TCP11X1: variants seen among roughly 807,000 people sequenced by gnomAD.
TCP11X1 encodes t-complex 11 family, X-linked 1.
For synonymous variants in TCP11X1, 2 were observed against 6.3 expected (o/e 0.32, Z 1.02); for missense variants, 2 against 15.4 (o/e 0.13, Z 1.45).
intron 2 of TCP11X1, among the ~76,000 whole-genome samples, chrX:102,220,695 A>ATATATATATATATATTT (rs1403296641): frequency 1.2e-4 from 2 of 16,398 alleles, no homozygotes; most frequent in Non-Finnish European, 1.8e-4. Context: ...ATATATATAT[A>ATATATATATATATATTT]TTTTTTTTTT....
chrX:102,220,695 A>ATATATATATT (rs1403296641), intron 2 of TCP11X1, among the ~76,000 whole-genome samples: 81 of 16,386 alleles, frequency 4.9e-3, no homozygotes, highest in Middle Eastern at 0.15. Context: ...ATATATATAT[A>ATATATATATT]TTTTTTTTTT....
At chrX:102,220,661 G>A (rs1556380329) in intron 2 of TCP11X1, among the ~76,000 whole-genome samples, 1 of 44,840 alleles carries the variant, frequency 2.2e-5, no homozygotes, top group Non-Finnish European at 3.8e-5. Flanking sequence ...ATGTGTGTGT[G>A]TGTATATACA....
intron 2 of TCP11X1, among the ~76,000 whole-genome samples, chrX:102,220,695 A>ATTTTTTTTTTT (rs1179399956): frequency 1.2e-4 from 2 of 16,396 alleles, no homozygotes; most frequent in Non-Finnish European, 1.8e-4. Flanking sequence ...ATATATATAT[A>ATTTTTTTTTTT]TTTTTTTTTT....
intron 2 of TCP11X1, among the ~76,000 whole-genome samples, chrX:102,220,695 A>ATTTTT (rs1179399956): frequency 3.7e-4 from 6 of 16,396 alleles, no homozygotes; most frequent in South Asian, 7.3e-3. Flanking sequence ...ATATATATAT[A>ATTTTT]TTTTTTTTTT....
intron 2 of TCP11X1, among the ~76,000 whole-genome samples, chrX:102,220,695 ATTTTTTT>A (rs1179399956): frequency 1.2e-4 from 2 of 16,402 alleles, no homozygotes; most frequent in Non-Finnish European, 1.8e-4. Context: ...ATATATATAT[ATTTTTTT>A]TTTTTTTTTT....
intron 2 of TCP11X1, among the ~76,000 whole-genome samples, chrX:102,220,685 A>G: frequency 4.2e-5 from 1 of 23,733 alleles, no homozygotes; most frequent in Non-Finnish European, 6.9e-5. Flanking sequence ...ATATATATAT[A>G]TATATATATA....
At chrX:102,220,693 A>G (rs868995825) in intron 2 of TCP11X1, among the ~76,000 whole-genome samples, 11 of 25,326 alleles carry the variant, frequency 4.3e-4, no homozygotes, top group Non-Finnish European at 5.8e-4. Flanking sequence ...ATATATATAT[A>G]TATTTTTTTT....
chrX:102,220,695 A>ATATATATATATATT (rs1403296641), intron 2 of TCP11X1, among the ~76,000 whole-genome samples: 8 of 16,394 alleles, frequency 4.9e-4, no homozygotes, highest in African/African-American at 1.3e-3. Flanking sequence ...ATATATATAT[A>ATATATATATATATT]TTTTTTTTTT....
At chrX:102,220,693 A>T (rs868995825) in intron 2 of TCP11X1, among the ~76,000 whole-genome samples, 322 of 24,585 alleles carry the variant, frequency 0.013, 1 homozygote, top group African/African-American at 0.029. Context: ...ATATATATAT[A>T]TATTTTTTTT....
chrX:102,219,467 G>GA (rs1336043720), intron 2 of TCP11X1, among the ~76,000 whole-genome samples: 1 of 9,305 alleles, frequency 1.1e-4, no homozygotes, highest in Non-Finnish European at 2.1e-4. Flanking sequence ...TAGGGGTGCA[G>GA]AAAAAAGTGA....
intron 2 of TCP11X1, among the ~76,000 whole-genome samples, chrX:102,220,689 A>ATATATATATATATATATATATG (rs1933720057): frequency 4.1e-5 from 1 of 24,447 alleles, no homozygotes; most frequent in Non-Finnish European, 6.6e-5. Context: ...ATATATATAT[A>ATATATATATATATATATATATG]TATATATTTT....
At chrX:102,220,695 A>ATATTTTTTT (rs1403296641) in intron 2 of TCP11X1, among the ~76,000 whole-genome samples, 1 of 16,403 alleles carries the variant, frequency 6.1e-5, no homozygotes, top group African/African-American at 3.1e-4. Flanking sequence ...ATATATATAT[A>ATATTTTTTT]TTTTTTTTTT....
At chrX:102,220,695 A>ATT (rs1179399956) in intron 2 of TCP11X1, among the ~76,000 whole-genome samples, 1,088 of 16,441 alleles carry the variant, frequency 0.066, 134 homozygotes, top group Admixed American at 0.084. Flanking sequence ...ATATATATAT[A>ATT]TTTTTTTTTT....
At position 102,223,919 on chromosome X, in the gene TCP11X1, A is replaced by G. The variant is rs1334869131; in HGVS notation, c.864A>G (p.Thr288=). 5 of 386,962 alleles carry G rather than the reference A, an allele frequency of 1.3e-5. 1 individual carries two copies. The East Asian group carries it at 8.3e-4, about 64-fold the overall frequency. The allele number at this position is 386,962 out of a possible 1,213,427, so 31.9% of individuals were successfully genotyped here. The change falls in exon 6 of 9, where the codon ACA becomes ACG. Residue 288 remains threonine (T), a synonymous_variant. Coordinates refer to ENST00000622971, the Ensembl canonical transcript of TCP11X1. ...ACAATTCAGAGCCCCCCAGTCCAAC[A>G]ATGGTGCTATACCAAGGTTACCTGA...
At chrX:102,220,695 A>ATTTTTT (rs1179399956) in intron 2 of TCP11X1, among the ~76,000 whole-genome samples, 6 of 16,398 alleles carry the variant, frequency 3.7e-4, no homozygotes, top group East Asian at 5.7e-3. Flanking sequence ...ATATATATAT[A>ATTTTTT]TTTTTTTTTT....
intron 2 of TCP11X1, among the ~76,000 whole-genome samples, chrX:102,220,696 T>TATATATATATATA (rs1491550943): frequency 2.1e-3 from 19 of 9,071 alleles, no homozygotes; most frequent in South Asian, 0.017. Flanking sequence ...TATATATATA[T>TATATATATATATA]TTTTTTTTTT....
At chrX:102,220,699 T>A (rs1422652018) in intron 2 of TCP11X1, among the ~76,000 whole-genome samples, 32 of 15,951 alleles carry the variant, frequency 2.0e-3, no homozygotes, top group South Asian at 9.1e-3. Context: ...ATATATATTT[T>A]TTTTTTTTTT....
intron 2 of TCP11X1, among the ~76,000 whole-genome samples, chrX:102,220,696 T>TATATATATATA (rs1491550943): frequency 1.3e-3 from 12 of 9,086 alleles, no homozygotes; most frequent in East Asian, 0.013. Context: ...TATATATATA[T>TATATATATATA]TTTTTTTTTT....
chrX:102,220,778 A>G (rs1287326511), intron 2 of TCP11X1, among the ~76,000 whole-genome samples: 1 of 15,064 alleles, frequency 6.6e-5, no homozygotes, highest in Non-Finnish European at 9.6e-5. Context: ...CTCACTGCAA[A>G]CTCTGCTTCC....
Sources: gnomAD v4.1 joint callset for allele counts (sites outside exome capture counted in the v4.1 genomes callset) on GRCh38, gnomAD v4.1.1 for gene constraint, MANE v1.5 for transcripts, NCBI Gene and HGNC (gene_info 2026-07-23, HGNC 2026-07-21) for gene names.